The following ADGRL3 variants were observed in gnomAD, a reference collection of about 807,000 sequenced individuals.
ADGRL3 encodes the protein calcium-independent alpha-latrotoxin receptor 3.
A neutral mutation model predicts 153.5 loss-of-function variants in ADGRL3; 62 were observed. The observed-to-expected ratio is 0.40, with a 90% CI of 0.33 to 0.50. The LOEUF (loss-of-function observed/expected upper bound fraction) is 0.50, where lower values mean the gene tolerates loss of function less well. ADGRL3 is among the 20% of genes least tolerant of loss of function. The pLI is 0.47. For synonymous variants in ADGRL3, 710 were observed against 672.5 expected (o/e 1.06, Z -0.86); for missense variants, 1,641 against 1,859.4 (o/e 0.88, Z 2.16).
chr4:61,322,233 T>C (rs1236073134), intron 1 of ADGRL3, among the ~76,000 whole-genome samples: 2 of 152,162 alleles, frequency 1.3e-5, no homozygotes, highest in Non-Finnish European at 2.9e-5. Context: ...CCCACCTCCA[T>C]GATTCAGTCA....
chr4:61,949,017 G>T (rs576428884), intron 17 of ADGRL3, among the ~76,000 whole-genome samples: 2 of 120,274 alleles, frequency 1.7e-5, no homozygotes, highest in Non-Finnish European at 1.8e-5. Context: ...AGGAAACTCA[G>T]AAAAAAAAAA....
chr4:61,495,004 C>T (rs942259243), intron 2 of ADGRL3, among the ~76,000 whole-genome samples: 1 of 152,090 alleles, frequency 6.6e-6, no homozygotes, highest in Non-Finnish European at 1.5e-5. Flanking sequence ...TTAAAAATTA[C>T]AAATTTTAAC....
intron 5 of ADGRL3, among the ~76,000 whole-genome samples, chr4:61,645,941 G>T (rs1412078065): frequency 2.6e-5 from 4 of 152,094 alleles, no homozygotes; most frequent in Admixed American, 2.0e-4. Flanking sequence ...CATGGATTTG[G>T]TTTTTTCACA....
chr4:62,009,880 C>T (rs1042709106), intron 21 of ADGRL3, among the ~76,000 whole-genome samples: 2 of 152,058 alleles, frequency 1.3e-5, no homozygotes, highest in African/African-American at 4.8e-5. Context: ...CCATGACCAT[C>T]CCTCAAATTT....
chr4:61,758,660 G>A (rs1042048038), intron 8 of ADGRL3, among the ~76,000 whole-genome samples: 4 of 152,094 alleles, frequency 2.6e-5, no homozygotes, highest in Non-Finnish European at 5.9e-5. Flanking sequence ...CTTTTAATGG[G>A]AGCATTTAGC....
chr4:61,524,971 A>C (rs977393388), intron 4 of ADGRL3, among the ~76,000 whole-genome samples: 5 of 152,078 alleles, frequency 3.3e-5, no homozygotes, highest in Admixed American at 1.3e-4. Flanking sequence ...GAGAGACAGT[A>C]ATTTAATTCA....
At chr4:61,717,125 T>C (rs1375446770) in intron 6 of ADGRL3, among the ~76,000 whole-genome samples, 1 of 151,980 alleles carries the variant, frequency 6.6e-6, no homozygotes, top group African/African-American at 2.4e-5. Flanking sequence ...AAACTTTACC[T>C]CCACGCTGTT....
intron 9 of ADGRL3, among the ~76,000 whole-genome samples, chr4:61,829,064 G>T (rs944092384): frequency 2.0e-5 from 3 of 152,114 alleles, no homozygotes; most frequent in African/African-American, 7.2e-5. Context: ...AAACATGTGT[G>T]GTACTTTATC....
chr4:61,283,270 T>A (rs942445845), intron 1 of ADGRL3, among the ~76,000 whole-genome samples: 2 of 152,076 alleles, frequency 1.3e-5, no homozygotes, highest in Non-Finnish European at 2.9e-5. Flanking sequence ...GTAACAAATG[T>A]TTAACTCAAA....
chr4:61,232,026 T>C (rs368171242), intron 1 of ADGRL3, among the ~76,000 whole-genome samples: 56 of 152,020 alleles, frequency 3.7e-4, no homozygotes, highest in African/African-American at 1.3e-3. Context: ...TTTGACCTTG[T>C]GCAAGTACTT....
intron 7 of ADGRL3, among the ~76,000 whole-genome samples, chr4:61,731,462 A>G (rs531273944): frequency 6.6e-6 from 1 of 152,202 alleles, no homozygotes; most frequent in South Asian, 2.1e-4. Flanking sequence ...GTACACTTCT[A>G]ATCATTCCAA....
At chr4:62,008,225 GGTT>G (rs796856968) in intron 21 of ADGRL3, among the ~76,000 whole-genome samples, 5 of 152,212 alleles carry the variant, frequency 3.3e-5, no homozygotes, top group South Asian at 2.1e-4. Flanking sequence ...AGGTTGGGGA[GGTT>G]GTTGTTGTTG....
chr4:61,681,687 T>A (rs796579153), intron 6 of ADGRL3, among the ~76,000 whole-genome samples: 6 of 152,180 alleles, frequency 3.9e-5, no homozygotes, highest in African/African-American at 1.4e-4. Context: ...AAGAAAAATG[T>A]ATTACACGTT....
intron 5 of ADGRL3, among the ~76,000 whole-genome samples, 160 bp from the exon 6 acceptor site, chr4:61,676,666 A>C (rs1047641736): frequency 3.9e-5 from 6 of 152,020 alleles, no homozygotes; most frequent in Admixed American, 1.3e-4. Flanking sequence ...GTTTCTAAAA[A>C]GTGTACTACA....
chr4:61,895,639 T>C (rs1233959954), intron 10 of ADGRL3, 92 bp from the exon 11 acceptor site: 3 of 650,434 alleles, frequency 4.6e-6, no homozygotes, highest in Non-Finnish European at 7.9e-6. Context: ...AATTTAATTA[T>C]CTCATTTTTA....
chr4:61,767,088 T>G (rs1200801164), intron 8 of ADGRL3, among the ~76,000 whole-genome samples: 1 of 151,650 alleles, frequency 6.6e-6, no homozygotes, highest in East Asian at 1.9e-4. Flanking sequence ...AATGAGATGG[T>G]AAGGGGTGCA....
At chr4:61,370,980 T>C (rs1380755361) in intron 1 of ADGRL3, among the ~76,000 whole-genome samples, 1 of 151,178 alleles carries the variant, frequency 6.6e-6, no homozygotes, top group African/African-American at 2.4e-5. Context: ...TTTACCATTA[T>C]GTAATGGCCT....
At chr4:61,692,735 G>A (rs1484982542) in intron 6 of ADGRL3, among the ~76,000 whole-genome samples, 2 of 152,100 alleles carry the variant, frequency 1.3e-5, no homozygotes, top group East Asian at 3.9e-4. Context: ...ACCACGCCTG[G>A]TCGTTCTCTT....
intron 17 of ADGRL3, among the ~76,000 whole-genome samples, chr4:61,956,286 T>A (rs1479515893): frequency 1.3e-5 from 2 of 152,174 alleles, no homozygotes; most frequent in Admixed American, 1.3e-4. Flanking sequence ...TCTCTAATGA[T>A]CAGTGATGTT....
Sources: gnomAD v4.1 joint callset for allele counts (sites outside exome capture counted in the v4.1 genomes callset) on GRCh38, gnomAD v4.1.1 for gene constraint, MANE v1.5 for transcripts, NCBI Gene and HGNC (gene_info 2026-07-23, HGNC 2026-07-21) for gene names.